The following NOL10 variants were observed in gnomAD, a reference collection of about 807,000 sequenced individuals.
The protein encoded by NOL10 is nucleolar protein 10.
NOL10 carries 58 observed loss-of-function variants against 103.5 expected under a neutral mutation model. That is an observed-to-expected ratio of 0.56 (90% CI 0.45 to 0.70). The LOEUF (loss-of-function observed/expected upper bound fraction) is 0.70. Ranked by LOEUF, NOL10 falls within the 30% of genes least tolerant of loss-of-function variation. The pLI, the probability that NOL10 is intolerant of heterozygous loss-of-function variation, is 0.00. For missense variants in NOL10, 763 were observed against 807.3 expected (o/e 0.95, Z 0.67); for synonymous variants, 287 against 282.5 (o/e 1.02, Z -0.16).
intron 3 of NOL10, among the ~76,000 whole-genome samples, chr2:10,680,531 TAA>T (rs1297876746): frequency 6.6e-6 from 1 of 152,214 alleles, no homozygotes; most frequent in Non-Finnish European, 1.5e-5. Flanking sequence ...ACAAGTCACT[TAA>T]TATCTCTGGA....
At chr2:10,685,775 G>GA (rs1306439943) in intron 1 of NOL10, among the ~76,000 whole-genome samples, 1 of 150,838 alleles carries the variant, frequency 6.6e-6, no homozygotes, top group Admixed American at 6.6e-5. Flanking sequence ...AAACAGGAGG[G>GA]AAAAAAAAGC....
At chr2:10,654,687 T>C in intron 11 of NOL10, 140 bp from the exon 12 acceptor site, 1 of 502,312 alleles carries the variant, frequency 2.0e-6, no homozygotes, top group Admixed American at 3.9e-5. Context: ...ATTTAAATTC[T>C]TAAAAATCTT....
intron 1 of NOL10, 96 bp from the exon 2 acceptor site, chr2:10,684,708 A>C (rs1309939008): frequency 4.6e-6 from 4 of 871,652 alleles, no homozygotes; most frequent in Non-Finnish European, 7.2e-6. Context: ...AAAAATTCAA[A>C]CTTCATAGGA....
At position 10,577,722 on chromosome 2, in the gene NOL10, G is replaced by A. The variant is rs1381204539; in HGVS notation, c.1861C>T (p.Arg621Cys). The change falls in exon 20 of 21, where the codon CGT becomes TGT. Residue 621 changes from arginine to cysteine, a missense_variant. Physicochemically the swap from Arg to Cys is radical, Grantham distance 180. Transcript: ENST00000381685. ...CCATTTTTTGCTTCAATTTTCAAAC[G>A]ATCTTCAAGGGTTTTGCTATGGGAA... ...QKLMNKTLED[R>C]LKIEAKNGTL... is the part of the protein sequence containing the mutation. 6 of 1,607,988 alleles carry A rather than the reference G, an allele frequency of 3.7e-6. No homozygotes were observed. Among genetic ancestry groups the A allele is most frequent in the Non-Finnish European group, 5.1e-6 (6 of 1,176,176 alleles).
At chr2:10,664,032 A>T (rs1680403333) in intron 8 of NOL10, among the ~76,000 whole-genome samples, 1 of 151,738 alleles carries the variant, frequency 6.6e-6, no homozygotes, top group Non-Finnish European at 1.5e-5. Context: ...GAGGCAGGAG[A>T]ATTGCTTGAA....
intron 19 of NOL10, among the ~76,000 whole-genome samples, chr2:10,587,278 T>A (rs369460302): frequency 0.25 from 19,673 of 77,428 alleles, 6,369 homozygotes; most frequent in Non-Finnish European, 0.37. Context: ...TATATATATT[T>A]TTTTTTTTTT....
At chr2:10,663,505 C>T (rs73167894) in intron 8 of NOL10, among the ~76,000 whole-genome samples, 7,513 of 152,036 alleles carry the variant, frequency 0.049, 431 homozygotes, top group African/African-American at 0.14. Flanking sequence ...TATCATAATG[C>T]CTGCAACTTA....
At chr2:10,602,108 C>T (rs1188358373) in intron 16 of NOL10, among the ~76,000 whole-genome samples, 1 of 152,212 alleles carries the variant, frequency 6.6e-6, no homozygotes, top group African/African-American at 2.4e-5. Context: ...TTCCAGTTTG[C>T]AGTTTCCAAC....
chr2:10,632,444 C>G (rs918121535), intron 13 of NOL10, among the ~76,000 whole-genome samples: 1 of 152,160 alleles, frequency 6.6e-6, no homozygotes, highest in African/African-American at 2.4e-5. Flanking sequence ...CAAAAACAGA[C>G]AGCTGGTGTG....
intron 19 of NOL10, among the ~76,000 whole-genome samples, chr2:10,582,206 T>C (rs1180303026): frequency 6.6e-6 from 1 of 152,194 alleles, no homozygotes; most frequent in Non-Finnish European, 1.5e-5. Context: ...AGTAAAAACA[T>C]GCCATATTAA....
At chr2:10,645,462 G>A (rs974800554) in intron 12 of NOL10, among the ~76,000 whole-genome samples, 1 of 151,316 alleles carries the variant, frequency 6.6e-6, no homozygotes, top group Non-Finnish European at 1.5e-5. Context: ...GATGATATTT[G>A]ACTCTATTAC....
At position 10,583,305 on chromosome 2, in the gene NOL10, T is replaced by C. The variant is rs1456589265; in HGVS notation, c.1845-5567A>G. On this transcript the variant is annotated intron_variant, in intron 19 of 20. Coordinates refer to ENST00000381685, the MANE Select transcript of NOL10 (RefSeq NM_024894.4). ...AGAGAGGTGTATGGTATGGATTTTA[T>C]CACAGATTCAAGTAAAATATTTGTT... 4.6e-5 allele frequency among the ~76,000 whole-genome samples: 7 copies of C among 152,258 alleles called. No individual in the cohort carries two copies. The East Asian group carries it at 1.3e-3, about 29-fold the overall frequency.
chr2:10,673,033 A>G (rs962995621), intron 5 of NOL10, among the ~76,000 whole-genome samples: 2 of 152,182 alleles, frequency 1.3e-5, no homozygotes, highest in African/African-American at 4.8e-5. Context: ...TGGCACCAAA[A>G]AAGAGAAATA....
intron 2 of NOL10, 130 bp downstream of exon 2, chr2:10,684,437 C>A: frequency 2.7e-6 from 2 of 736,518 alleles, no homozygotes; most frequent in South Asian, 2.0e-5. Flanking sequence ...AGAAAAGGGA[C>A]AAGAGCATTC....
intron 19 of NOL10, among the ~76,000 whole-genome samples, chr2:10,579,415 G>T (rs1674634528): frequency 6.6e-6 from 1 of 152,164 alleles, no homozygotes; most frequent in Admixed American, 6.5e-5. Flanking sequence ...TTCTAAGCAG[G>T]ATTCCAATTT....
intron 3 of NOL10, among the ~76,000 whole-genome samples, chr2:10,679,557 CCTTT>C (rs1242845583): frequency 6.6e-5 from 10 of 152,060 alleles, no homozygotes; most frequent in African/African-American, 2.4e-4. Flanking sequence ...ATTCTTTCTT[CCTTT>C]CTTTCCTTTT....
At chr2:10,587,208 T>TATATATACAC (rs1553296250) in intron 19 of NOL10, among the ~76,000 whole-genome samples, 8,158 of 37,516 alleles carry the variant, frequency 0.22, 2,834 homozygotes, top group African/African-American at 0.44. Context: ...TATATACACA[T>TATATATACAC]ATATATATAC....
chr2:10,587,712 C>T (rs1675188770), intron 19 of NOL10, among the ~76,000 whole-genome samples: 1 of 152,060 alleles, frequency 6.6e-6, no homozygotes, highest in South Asian at 2.1e-4. Context: ...CTTCTGAATT[C>T]TAAATTCAAG....
At position 10,667,291 on chromosome 2, in the gene NOL10, A is replaced by G; in HGVS notation, c.531-13T>C. The stretch of plus-strand genomic sequence containing the variant: ...AACATTATTCTCCCTAACACAGGAA[A>G]GCAGTAAGAAAGAATGAATTAGTTA... On this transcript the variant is annotated splice_polypyrimidine_tract_variant and intron_variant, in intron 7 of 20. Transcript: ENST00000381685. The G allele has an allele frequency of 6.4e-7, 1 of 1,566,134 alleles. No homozygotes were observed. Among genetic ancestry groups the G allele is most frequent in the Non-Finnish European group, 8.7e-7 (1 of 1,152,158 alleles).
Sources: allele counts gnomAD v4.1 joint callset (sites outside exome capture counted in the v4.1 genomes callset), GRCh38; gene constraint gnomAD v4.1.1; transcripts MANE v1.5; gene names NCBI Gene and HGNC (gene_info 2026-07-23, HGNC 2026-07-21).